LRP1B: variants seen among roughly 807,000 people sequenced by gnomAD.
The protein encoded by LRP1B is LDL receptor related protein 1B.
In LRP1B, 217 loss-of-function variants were observed where a neutral mutation model predicts 556.6. The ratio of observed to expected loss-of-function variants is 0.39; its 90% CI spans 0.35 to 0.44. The LOEUF is 0.44. Ranked by LOEUF, LRP1B falls within the 20% of genes least tolerant of loss-of-function variation. The pLI, the probability that LRP1B is intolerant of heterozygous loss-of-function variation, is 1.00. For missense variants in LRP1B, 5,053 were observed against 5,620.8 expected, an observed-to-expected ratio of 0.90 and a Z score of 3.23; for synonymous variants, 2,047 against 1,865.8, an observed-to-expected ratio of 1.10 and a Z score of -2.50.
intron 11 of LRP1B, among the ~76,000 whole-genome samples, chr2:141,028,217 T>G (rs1014454432): frequency 2.6e-5 from 4 of 151,782 alleles, no homozygotes; most frequent in Non-Finnish European, 5.9e-5. Context: ...ATGATATTAA[T>G]AATATATTTT....
intron 7 of LRP1B, among the ~76,000 whole-genome samples, chr2:141,148,046 GA>G (rs1194709132): frequency 6.6e-6 from 1 of 152,132 alleles, no homozygotes; most frequent in African/African-American, 2.4e-5. Flanking sequence ...GATGCTCACA[GA>G]AGGACAAACT....
intron 18 of LRP1B, among the ~76,000 whole-genome samples, chr2:140,970,734 T>C (rs13431304): frequency 0.2 from 5,919 of 29,446 alleles, 874 homozygotes; most frequent in East Asian, 0.35. Flanking sequence ...TTTTTTTTTT[T>C]TTTTTTTTTT....
chr2:141,856,502 G>A (rs1416793867), intron 1 of LRP1B, among the ~76,000 whole-genome samples: 2 of 152,052 alleles, frequency 1.3e-5, no homozygotes, highest in Non-Finnish European at 2.9e-5. Flanking sequence ...ACAATTAATA[G>A]ATCACTCCCC....
intron 2 of LRP1B, among the ~76,000 whole-genome samples, chr2:141,664,065 G>A (rs1345153883): frequency 1.3e-5 from 2 of 152,102 alleles, no homozygotes; most frequent in African/African-American, 2.4e-5. Flanking sequence ...AGCATCAAGG[G>A]ATGCAAGGCT....
At chr2:140,546,476 T>C (rs923042021) in intron 43 of LRP1B, among the ~76,000 whole-genome samples, 3 of 152,098 alleles carry the variant, frequency 2.0e-5, no homozygotes, top group Non-Finnish European at 4.4e-5. Flanking sequence ...CTTACAATAA[T>C]GGCAGAAGGG....
At chr2:141,319,778 T>C (rs146677739) in intron 3 of LRP1B, among the ~76,000 whole-genome samples, 4 of 152,186 alleles carry the variant, frequency 2.6e-5, no homozygotes, top group African/African-American at 9.6e-5. Context: ...TTCAATTTTA[T>C]AGAGCAACAT....
intron 1 of LRP1B, among the ~76,000 whole-genome samples, chr2:141,859,020 T>C (rs1322731000): frequency 6.6e-6 from 1 of 151,316 alleles, no homozygotes; most frequent in Non-Finnish European, 1.5e-5. Context: ...TTTAAGGTTG[T>C]CCTCTCTTTC....
chr2:141,174,154 C>T (rs1680632429), intron 7 of LRP1B, among the ~76,000 whole-genome samples: 2 of 152,004 alleles, frequency 1.3e-5, no homozygotes, highest in Non-Finnish European at 2.9e-5. Context: ...ACAAGATATT[C>T]TACGGAATGA....
At chr2:141,903,029 A>T (rs1275522874) in intron 1 of LRP1B, among the ~76,000 whole-genome samples, 1 of 151,328 alleles carries the variant, frequency 6.6e-6, no homozygotes, top group Non-Finnish European at 1.5e-5. Context: ...GCATCTGCTG[A>T]CTCTTCCCAA....
intron 23 of LRP1B, among the ~76,000 whole-genome samples, chr2:140,899,662 C>G (rs547311893): frequency 6.6e-6 from 1 of 152,266 alleles, no homozygotes; most frequent in South Asian, 2.1e-4. Context: ...TTAGGACTTA[C>G]ATAAATATGG....
rs542201272 is a variant in LRP1B at position 141,569,230 on chromosome 2, G to A, written c.206-88697C>T. Among the ~76,000 whole-genome samples, 5 of 150,988 alleles carry A rather than the reference G, an allele frequency of 3.3e-5. No individual in the cohort carries two copies. In the South Asian group the frequency reaches 6.3e-4, roughly 19 times the overall value. The stretch of plus-strand genomic sequence containing the variant: ...ATCATATAAGAGGTAGAGAAAAATC[G>A]CTACAATGTCTCAAAAAGGGGAACA... On this transcript the variant is annotated intron_variant, in intron 2 of 90. Coordinates refer to ENST00000389484, the MANE Select transcript of LRP1B (RefSeq NM_018557.3).
intron 33 of LRP1B, among the ~76,000 whole-genome samples, 199 bp downstream of exon 33, chr2:140,775,899 G>T (rs16844652): frequency 0.014 from 2,187 of 152,144 alleles, 56 homozygotes; most frequent in African/African-American, 0.05. Context: ...TCCTAAGGCA[G>T]GTTTGCTAAT....
chr2:141,706,214 A>C (rs1183949840), intron 2 of LRP1B, among the ~76,000 whole-genome samples: 2 of 151,950 alleles, frequency 1.3e-5, no homozygotes, highest in Non-Finnish European at 2.9e-5. Flanking sequence ...ACTTTACCTC[A>C]ACGCTGAGGA....
At chr2:142,027,811 G>C (rs1703561335) in intron 1 of LRP1B, among the ~76,000 whole-genome samples, 1 of 151,788 alleles carries the variant, frequency 6.6e-6, no homozygotes, top group African/African-American at 2.4e-5. Context: ...CTTTGAAATA[G>C]ATACCAAGAG....
chr2:141,303,039 C>T (rs1213990762), intron 3 of LRP1B, among the ~76,000 whole-genome samples: 2 of 152,040 alleles, frequency 1.3e-5, no homozygotes, highest in East Asian at 1.9e-4. Flanking sequence ...TTGTGAAAGA[C>T]AAACAAGCTT....
intron 1 of LRP1B, among the ~76,000 whole-genome samples, chr2:141,811,606 G>T (rs139123755): frequency 1.5e-3 from 226 of 152,112 alleles, no homozygotes; most frequent in Middle Eastern, 0.01. Flanking sequence ...CAGATGTAGG[G>T]TATAAGAGTA....
chr2:141,386,345 C>A (rs1482373153), intron 3 of LRP1B, among the ~76,000 whole-genome samples: 2 of 151,968 alleles, frequency 1.3e-5, no homozygotes, highest in Admixed American at 6.5e-5. Context: ...TATAAAGTGG[C>A]AGAATTAATT....
intron 7 of LRP1B, among the ~76,000 whole-genome samples, chr2:141,096,627 GGGGAGAGAGA>G (rs1366002569): frequency 0.017 from 882 of 50,526 alleles, 29 homozygotes; most frequent in Middle Eastern, 0.028. Flanking sequence ...ACGGGGAGAG[GGGGAGAGAGA>G]GAGAGAGAGA....
chr2:140,716,560 C>T, intron 36 of LRP1B, 122 bp downstream of exon 36: 2 of 948,100 alleles, frequency 2.1e-6, no homozygotes, highest in South Asian at 4.1e-5. Flanking sequence ...AGACTATTTA[C>T]CCCTGTGGCT....
Sources: allele counts gnomAD v4.1 joint callset (sites outside exome capture counted in the v4.1 genomes callset), GRCh38; gene constraint gnomAD v4.1.1; transcripts MANE v1.5; gene names NCBI Gene and HGNC (gene_info 2026-07-23, HGNC 2026-07-21).